Variants in DMD observed in about 807,000 individuals in gnomAD.
The protein encoded by DMD is dystrophin, also known as mutant dystrophin.
Under a neutral mutation model 330.1 loss-of-function variants are expected in DMD, and 63 were observed. That is an observed-to-expected ratio of 0.19 (90% CI 0.16 to 0.24). The LOEUF (loss-of-function observed/expected upper bound fraction) is 0.24, where lower values mean the gene tolerates loss of function less well. DMD is among the 10% of genes least tolerant of loss of function. The probability of loss-of-function intolerance (pLI) is 1.00; values close to 1 mark genes in which losing one functional copy is unlikely to be tolerated. For synonymous variants in DMD, 1,223 were observed against 959.8 expected, an observed-to-expected ratio of 1.27 and a Z score of -5.07; for missense variants, 3,344 against 2,684.1, an observed-to-expected ratio of 1.25 and a Z score of -5.43.
At chrX:32,448,256 T>C (rs2098313763) in intron 27 of DMD, among the ~76,000 whole-genome samples, 200 bp downstream of exon 27, 2 of 111,154 alleles carry the variant, frequency 1.8e-5, no homozygotes, top group Non-Finnish European at 3.8e-5. Flanking sequence ...TTATGAATTA[T>C]GTATTATGTC....
chrX:32,311,712 A>C (rs1286467006), intron 41 of DMD, among the ~76,000 whole-genome samples: 2 of 111,976 alleles, frequency 1.8e-5, no homozygotes, highest in African/African-American at 6.5e-5. Flanking sequence ...TGATAAATAA[A>C]ATTCAGAATT....
chrX:32,626,389 A>T (rs1420353199), intron 11 of DMD, among the ~76,000 whole-genome samples: 1 of 104,971 alleles, frequency 9.5e-6, no homozygotes. Context: ...AATCACTTGA[A>T]CCCGGGGGGA....
chrX:32,077,188 A>T (rs1758342779), intron 44 of DMD, among the ~76,000 whole-genome samples: 1 of 111,097 alleles, frequency 9.0e-6, no homozygotes, highest in Non-Finnish European at 1.9e-5. Flanking sequence ...GGGGCCTCTG[A>T]GGTATCATCA....
At chrX:31,540,996 T>C (rs1481939052) in intron 55 of DMD, among the ~76,000 whole-genome samples, 1 of 111,727 alleles carries the variant, frequency 9.0e-6, no homozygotes, top group African/African-American at 3.3e-5. Context: ...GGAGAACTAT[T>C]GATTCTGACA....
chrX:33,128,244 C>T (rs955345468), intron 1 of DMD: 1 of 1,162,411 alleles, frequency 8.6e-7, no homozygotes, highest in Non-Finnish European at 1.2e-6. Context: ...TTTTCTCTTA[C>T]ACATTCTATG....
chrX:31,552,773 G>A (rs2074565483), intron 55 of DMD, among the ~76,000 whole-genome samples: 1 of 111,741 alleles, frequency 8.9e-6, no homozygotes, highest in African/African-American at 3.3e-5. Flanking sequence ...AGTCTCATTT[G>A]GCTCTGCGAT....
At chrX:32,125,516 G>T (rs1287539684) in intron 44 of DMD, among the ~76,000 whole-genome samples, 1 of 111,645 alleles carries the variant, frequency 9.0e-6, no homozygotes, top group Non-Finnish European at 1.9e-5. Context: ...CAATTAGGCA[G>T]GGGGGTATGT....
chrX:32,905,786 G>T (rs1012823459), intron 2 of DMD, among the ~76,000 whole-genome samples: 1 of 110,940 alleles, frequency 9.0e-6, no homozygotes, highest in African/African-American at 3.3e-5. Flanking sequence ...ATGGTGGGTT[G>T]ACCTGAACAT....
chrX:32,681,977 T>C (rs1471607011), intron 9 of DMD, among the ~76,000 whole-genome samples: 1 of 111,430 alleles, frequency 9.0e-6, no homozygotes, highest in Non-Finnish European at 1.9e-5. Flanking sequence ...GAACTCAAAG[T>C]ATGCTTGGCG....
At chrX:31,336,914 TTTTC>T (rs1421831350) in intron 61 of DMD, among the ~76,000 whole-genome samples, 46 of 100,739 alleles carry the variant, frequency 4.6e-4, no homozygotes, top group African/African-American at 8.2e-4. Flanking sequence ...CATGTTATTC[TTTTC>T]TTTCTTTCTT....
chrX:31,862,220 G>A (rs997619365), intron 48 of DMD, among the ~76,000 whole-genome samples: 2 of 110,648 alleles, frequency 1.8e-5, no homozygotes, highest in African/African-American at 6.6e-5. Flanking sequence ...TGCAACCTCC[G>A]CCTCCAGGTT....
chrX:31,531,638 C>A (rs1196263727), intron 55 of DMD, among the ~76,000 whole-genome samples: 3 of 105,119 alleles, frequency 2.9e-5, no homozygotes, highest in Non-Finnish European at 3.9e-5. Context: ...CCTGTTCACT[C>A]TGATGGTAGT....
At chrX:32,609,533 G>C (rs2056996919) in intron 12 of DMD, among the ~76,000 whole-genome samples, 1 of 111,043 alleles carries the variant, frequency 9.0e-6, no homozygotes, top group Non-Finnish European at 1.9e-5. Flanking sequence ...TTTGTTCAGT[G>C]ATATGGAATA....
intron 44 of DMD, among the ~76,000 whole-genome samples, chrX:32,012,858 G>A (rs1004845246): frequency 2.7e-5 from 3 of 110,945 alleles, no homozygotes; most frequent in Non-Finnish European, 3.8e-5. Flanking sequence ...TACAGTCAAC[G>A]TATAGAGTAC....
chrX:32,039,643 A>G (rs2095982858), intron 44 of DMD, among the ~76,000 whole-genome samples: 1 of 111,988 alleles, frequency 8.9e-6, no homozygotes, highest in Admixed American at 9.5e-5. Flanking sequence ...AATAAACGAT[A>G]TAGAACATCA....
intron 7 of DMD, among the ~76,000 whole-genome samples, chrX:32,789,082 T>A (rs898700583): frequency 1.8e-5 from 2 of 111,952 alleles, no homozygotes; most frequent in Non-Finnish European, 3.8e-5. Flanking sequence ...AGAGTACCAT[T>A]CTATCACAAA....
chrX:31,180,544 T>C, intron 68 of DMD, 63 bp from the exon 69 acceptor site: 1 of 755,884 alleles, frequency 1.3e-6, no homozygotes, highest in Non-Finnish European at 2.1e-6. Context: ...AAGAACACTC[T>C]TTAATAAACC....
At chrX:32,175,516 C>T (rs1414759586) in intron 44 of DMD, among the ~76,000 whole-genome samples, 1 of 110,779 alleles carries the variant, frequency 9.0e-6, no homozygotes, top group East Asian at 2.9e-4. Context: ...AATCTTGCTG[C>T]TGCTCGCTGT....
At chrX:31,753,800 T>G (rs891722716) in intron 51 of DMD, among the ~76,000 whole-genome samples, 2 of 111,884 alleles carry the variant, frequency 1.8e-5, no homozygotes, top group Non-Finnish European at 3.8e-5. Context: ...GCTTGTATCA[T>G]AAGAATAATC....
Sources: gnomAD v4.1 joint callset for allele counts (sites outside exome capture counted in the v4.1 genomes callset) on GRCh38, gnomAD v4.1.1 for gene constraint, MANE v1.5 for transcripts, NCBI Gene and HGNC (gene_info 2026-07-23, HGNC 2026-07-21) for gene names.